Variants in MAP3K5 observed in about 807,000 individuals in gnomAD.
MAP3K5 encodes mitogen-activated protein kinase kinase kinase 5.
A neutral mutation model predicts 158.7 loss-of-function variants in MAP3K5; 56 were observed. That is an observed-to-expected ratio of 0.35 (90% CI 0.28 to 0.44). MAP3K5 has a LOEUF of 0.44. Ranked by LOEUF, MAP3K5 falls within the 20% of genes least tolerant of loss-of-function variation. MAP3K5 has a pLI of 1.00. For missense variants in MAP3K5, 1,294 were observed against 1,674.8 expected, an observed-to-expected ratio of 0.77 and a Z score of 3.97; for synonymous variants, 579 against 601.7, an observed-to-expected ratio of 0.96 and a Z score of 0.55.
At chr6:136,621,975 A>G (rs1776824924) in intron 15 of MAP3K5, among the ~76,000 whole-genome samples, 1 of 151,496 alleles carries the variant, frequency 6.6e-6, no homozygotes, top group Non-Finnish European at 1.5e-5. Flanking sequence ...AGTCCCAGCT[A>G]CTCAGGAGGC....
In MAP3K5 at chr6:136,652,142, A is replaced by G. The variant is rs1778544289; in HGVS notation, c.1681-1051T>C. ...TCCACCCATAAGGAATTACAGATTCATAATACAGTAAAACATGAAATGCAC... is the reference window on the plus strand; with the variant it reads ...TCCACCCATAAGGAATTACAGATTCGTAATACAGTAAAACATGAAATGCAC... On this transcript the variant is annotated intron_variant, in intron 10 of 29. Transcript: ENST00000359015. Among the ~76,000 whole-genome samples the G allele has an allele frequency of 2.0e-5, 3 of 152,204 alleles. No homozygotes were observed. The South Asian group carries it at 6.2e-4, about 32-fold the overall frequency.
At chr6:136,710,104 G>C (rs1193212752) in intron 2 of MAP3K5, among the ~76,000 whole-genome samples, 1 of 152,156 alleles carries the variant, frequency 6.6e-6, no homozygotes, top group Non-Finnish European at 1.5e-5. Context: ...CAAAGGTACT[G>C]TTTGTTCATT....
chr6:136,591,204 A>G (rs1408912214), intron 23 of MAP3K5, among the ~76,000 whole-genome samples: 1 of 152,168 alleles, frequency 6.6e-6, no homozygotes, highest in Non-Finnish European at 1.5e-5. Flanking sequence ...TTTATAAATT[A>G]CCCAGTCTCA....
In MAP3K5 at chr6:136,707,962, G is replaced by A. The variant is rs1009682303; in HGVS notation, c.589-2829C>T. On this transcript the variant is annotated intron_variant, in intron 2 of 29. Transcript: ENST00000359015. ...AGTAAAAAAAGCAAAATAGAGAACA[G>A]TTTTTTATCCTATGCTGCTATTTAT... 3.9e-5 allele frequency among the ~76,000 whole-genome samples: 6 copies of A among 152,236 alleles called. No homozygotes were observed. The South Asian group carries it at 1.2e-3, about 32-fold the overall frequency.
chr6:136,622,735 C>A, intron 15 of MAP3K5, 113 bp downstream of exon 15: 1 of 1,180,282 alleles, frequency 8.5e-7, no homozygotes, highest in Non-Finnish European at 1.2e-6. Context: ...AGCTAATTCA[C>A]AGAGTGAAGT....
chr6:136,655,618 C>A (rs1393866441), intron 10 of MAP3K5, among the ~76,000 whole-genome samples: 2 of 152,006 alleles, frequency 1.3e-5, no homozygotes, highest in Non-Finnish European at 2.9e-5. Flanking sequence ...CAGGGAGTTG[C>A]CAGTAATTCT....
chr6:136,732,923 T>C lies in MAP3K5; in HGVS notation c.449-12334A>G, dbSNP rs117097775. On this transcript the variant is annotated intron_variant, in intron 1 of 29. Coordinates refer to ENST00000359015, the MANE Select transcript of MAP3K5 (RefSeq NM_005923.4). ...ACAGGCAAAAGCCTTAAATAGACAT[T>C]AAAATCCCAATCTTACAAATGAATG... Among the ~76,000 whole-genome samples, 690 of 152,256 alleles carry C rather than the reference T, an allele frequency of 4.5e-3. 1 individual carries two copies. Among genetic ancestry groups the C allele is most frequent in the Non-Finnish European group, 7.7e-3 (526 of 68,014 alleles).
rs539265868 is a variant in MAP3K5 at position 136,602,055 on chromosome 6, T to C, written c.2680-76A>G. ...GCACCTGAACTCCAGCTTCCATAAC[T>C]TGACCCCCCAATGCAACAAGATCCC... On this transcript the variant is annotated intron_variant, in intron 19 of 29. Coordinates refer to ENST00000359015, the MANE Select transcript of MAP3K5 (RefSeq NM_005923.4). 5.0e-5 allele frequency: 60 copies of C among 1,188,186 alleles called. No individual in the cohort carries two copies. The African/African-American group carries it at 6.6e-4, about 13-fold the overall frequency. The allele number at this position is 1,188,186 out of a possible 1,614,324, so 73.6% of individuals were successfully genotyped here. A position where few individuals can be genotyped will look rare whatever the true frequency, so the allele number is the denominator to read the frequency against.
At chr6:136,674,910 A>T (rs1035891128) in intron 7 of MAP3K5, among the ~76,000 whole-genome samples, 41 of 122,272 alleles carry the variant, frequency 3.4e-4, no homozygotes, top group African/African-American at 1.3e-3. Flanking sequence ...TCAAAAATAT[A>T]AAAAAAATCC....
chr6:136,743,306 C>T (rs192147898), intron 1 of MAP3K5, among the ~76,000 whole-genome samples: 5 of 152,016 alleles, frequency 3.3e-5, no homozygotes, highest in Admixed American at 2.0e-4. Context: ...AAAAATTAGC[C>T]GGGCATGGTG....
chr6:136,567,895 G>A lies in MAP3K5; in HGVS notation c.3518-21C>T, dbSNP rs1774189351. On this transcript the variant is annotated intron_variant, in intron 25 of 29. Coordinates refer to ENST00000359015, the MANE Select transcript of MAP3K5 (RefSeq NM_005923.4). ...TAGTTCTGTTTGGCATAATATCAGT[G>A]GTAGTGTTTATAAAATATGACTCAT... The A allele has an allele frequency of 1.9e-6, 3 of 1,608,448 alleles. No homozygotes were observed. The South Asian group carries it at 3.3e-5, about 18-fold the overall frequency.
chr6:136,566,493 G>A (rs1489415054), intron 26 of MAP3K5, among the ~76,000 whole-genome samples: 2 of 152,156 alleles, frequency 1.3e-5, no homozygotes, highest in Admixed American at 6.5e-5. Context: ...CCATAACGAT[G>A]GGGTGTTATC....
chr6:136,657,574 A>G (rs559706485), intron 9 of MAP3K5, among the ~76,000 whole-genome samples: 1 of 152,358 alleles, frequency 6.6e-6, no homozygotes, highest in East Asian at 1.9e-4. Context: ...GATAAATATC[A>G]AAAGGTATTA....
intron 7 of MAP3K5, among the ~76,000 whole-genome samples, chr6:136,680,273 A>G (rs973123588): frequency 3.3e-5 from 5 of 152,240 alleles, no homozygotes; most frequent in African/African-American, 1.2e-4. Context: ...TGATGGTTGC[A>G]TAACAATATG....
intron 14 of MAP3K5, among the ~76,000 whole-genome samples, chr6:136,631,419 C>G (rs554282146): frequency 6.6e-6 from 1 of 152,184 alleles, no homozygotes; most frequent in Admixed American, 6.5e-5. Flanking sequence ...ACCATAATTA[C>G]TAAGGTATAT....
At chr6:136,734,797 G>A (rs1477909671) in intron 1 of MAP3K5, among the ~76,000 whole-genome samples, 6 of 151,994 alleles carry the variant, frequency 3.9e-5, no homozygotes, top group Non-Finnish European at 8.8e-5. Context: ...GAAGTTCCTC[G>A]GTCACACAGA....
intron 27 of MAP3K5, among the ~76,000 whole-genome samples, chr6:136,562,153 G>A (rs1442405590): frequency 1.3e-5 from 2 of 151,990 alleles, no homozygotes; most frequent in African/African-American, 4.8e-5. Flanking sequence ...AAAAAGGCTA[G>A]AATACACAGA....
At chr6:136,777,132 T>A (rs1412029492) in intron 1 of MAP3K5, among the ~76,000 whole-genome samples, 2 of 152,218 alleles carry the variant, frequency 1.3e-5, no homozygotes, top group East Asian at 3.8e-4. Flanking sequence ...ACTATTCTTG[T>A]CATAACTCAT....
chr6:136,731,188 G>A (rs1373238874), intron 1 of MAP3K5, among the ~76,000 whole-genome samples: 3 of 152,134 alleles, frequency 2.0e-5, no homozygotes, highest in Non-Finnish European at 4.4e-5. Context: ...TCTACTTCTT[G>A]ATCTAGGTGC....
Sources: allele counts gnomAD v4.1 joint callset (sites outside exome capture counted in the v4.1 genomes callset), GRCh38; gene constraint gnomAD v4.1.1; transcripts MANE v1.5; gene names NCBI Gene and HGNC (gene_info 2026-07-23, HGNC 2026-07-21).